The following HSD17B12 variants were observed in gnomAD, a reference collection of about 807,000 sequenced individuals.
The protein encoded by HSD17B12 is hydroxysteroid 17-beta dehydrogenase 12.
HSD17B12 carries 32 observed loss-of-function variants against 39.3 expected under a neutral mutation model. The observed-to-expected ratio is 0.81, with a 90% confidence interval of 0.61 to 1.09. The LOEUF (loss-of-function observed/expected upper bound fraction) is 1.09, where lower values mean the gene tolerates loss of function less well. HSD17B12 is among the 50% of genes least tolerant of loss of function. The pLI, the probability that HSD17B12 is intolerant of heterozygous loss-of-function variation, is 0.00. For missense variants in HSD17B12, 342 were observed against 382.9 expected, an observed-to-expected ratio of 0.89 and a Z score of 0.89; for synonymous variants, 150 against 146.7, an observed-to-expected ratio of 1.02 and a Z score of -0.16.
chr11:43,771,078 T>G (rs1950644647), intron 3 of HSD17B12, among the ~76,000 whole-genome samples: 1 of 152,222 alleles, frequency 6.6e-6, no homozygotes, highest in African/African-American at 2.4e-5. Context: ...ACACGCTCCC[T>G]ACTACTTTTT....
At chr11:43,673,165 A>G in the HSD17B12 span, 1 of 152,312 alleles carries the variant, frequency 6.6e-6, no homozygotes, top group Admixed American at 6.5e-5. Flanking sequence ...CCTCGCTTCT[A>G]TGAAACTCCC....
the HSD17B12 span, among the ~76,000 whole-genome samples, chr11:43,572,961 G>A: frequency 6.6e-6 from 1 of 152,048 alleles, no homozygotes; most frequent in Non-Finnish European, 1.5e-5. Flanking sequence ...GGCATTTTTC[G>A]TGGTGCTTGG....
the HSD17B12 span, among the ~76,000 whole-genome samples, chr11:43,594,103 T>A: frequency 2.0e-5 from 3 of 152,170 alleles, no homozygotes; most frequent in Non-Finnish European, 4.4e-5. Context: ...GGTCAATGCA[T>A]CCTTCACCCT....
the HSD17B12 span, chr11:43,569,899 A>G: frequency 2.5e-4 from 38 of 152,758 alleles, no homozygotes; most frequent in African/African-American, 8.7e-4. Context: ...AACATTTGCC[A>G]TAATAACCCC....
At chr11:43,716,829 A>T (rs1255547682) in intron 1 of HSD17B12, among the ~76,000 whole-genome samples, 1 of 150,892 alleles carries the variant, frequency 6.6e-6, no homozygotes, top group Non-Finnish European at 1.5e-5. Flanking sequence ...GACCTGAGGG[A>T]GTCAGGAGTT....
intron 3 of HSD17B12, among the ~76,000 whole-genome samples, chr11:43,793,887 T>G (rs1950892233): frequency 6.6e-6 from 1 of 152,222 alleles, no homozygotes; most frequent in African/African-American, 2.4e-5. Flanking sequence ...AATATTTGCT[T>G]TCTGCTTTTC....
intron 9 of HSD17B12, among the ~76,000 whole-genome samples, chr11:43,844,711 T>A (rs1407790903): frequency 6.6e-6 from 1 of 152,224 alleles, no homozygotes; most frequent in African/African-American, 2.4e-5. Context: ...TAGCTAAGAC[T>A]AAGACTAAAT....
At chr11:43,575,128 A>C in the HSD17B12 span, among the ~76,000 whole-genome samples, 1 of 152,186 alleles carries the variant, frequency 6.6e-6, no homozygotes, top group Non-Finnish European at 1.5e-5. This position sits in a 1 kb window ranked among gnomAD's most constrained non-coding sequence, Gnocchi z 4.1. Context: ...GGTTGTGTGC[A>C]TGTGTGTATT....
chr11:43,654,876 C>T, the HSD17B12 span, among the ~76,000 whole-genome samples: 335 of 152,212 alleles, frequency 2.2e-3, no homozygotes, highest in Non-Finnish European at 3.7e-3. Flanking sequence ...CTTGGCAATG[C>T]GGGCTCTTTT....
At chr11:43,603,819 T>C in the HSD17B12 span, among the ~76,000 whole-genome samples, 6 of 152,208 alleles carry the variant, frequency 3.9e-5, no homozygotes, top group African/African-American at 1.4e-4. Flanking sequence ...AAAAAATTCC[T>C]TTGAAGGATC....
chr11:43,840,572 A>AGTTGATTT (rs59698734), intron 9 of HSD17B12, among the ~76,000 whole-genome samples: 4,106 of 151,974 alleles, frequency 0.027, 173 homozygotes, highest in African/African-American at 0.079. Context: ...CTGGCAACCT[A>AGTTGATTT]TCTATCTCTA....
chr11:43,784,345 A>T (rs1950796306), intron 3 of HSD17B12, among the ~76,000 whole-genome samples: 1 of 137,046 alleles, frequency 7.3e-6, no homozygotes, highest in Admixed American at 7.4e-5. Context: ...TATTATTATT[A>T]TTTTAACTGC....
intron 1 of HSD17B12, among the ~76,000 whole-genome samples, chr11:43,701,905 T>C (rs1181675671): frequency 6.6e-6 from 1 of 152,212 alleles, no homozygotes; most frequent in Non-Finnish European, 1.5e-5. Flanking sequence ...ATTGAATTTG[T>C]AGATTGCTTT....
At chr11:43,847,250 C>G (rs998833087) in intron 9 of HSD17B12, among the ~76,000 whole-genome samples, 7 of 152,178 alleles carry the variant, frequency 4.6e-5, no homozygotes, top group African/African-American at 1.7e-4. Flanking sequence ...GGGACACCAT[C>G]CCCTGAGGTT....
At chr11:43,619,282 A>G in the HSD17B12 span, among the ~76,000 whole-genome samples, 2 of 128,804 alleles carry the variant, frequency 1.6e-5, no homozygotes, top group African/African-American at 5.8e-5. Flanking sequence ...TGTAAAATCC[A>G]TATATATATA....
chr11:43,752,003 C>A (rs775953161), intron 2 of HSD17B12, among the ~76,000 whole-genome samples: 4 of 152,260 alleles, frequency 2.6e-5, no homozygotes, highest in South Asian at 2.1e-4. Flanking sequence ...CGTTGTTTTT[C>A]CAAGATCCAG....
chr11:43,616,782 C>T, the HSD17B12 span, among the ~76,000 whole-genome samples: 372 of 143,312 alleles, frequency 2.6e-3, 1 homozygote, highest in Non-Finnish European at 4.6e-3. Flanking sequence ...CCACACCACT[C>T]CTCTGTGCCC....
the HSD17B12 span, among the ~76,000 whole-genome samples, chr11:43,628,945 G>A: frequency 6.6e-6 from 1 of 152,010 alleles, no homozygotes; most frequent in Non-Finnish European, 1.5e-5. Flanking sequence ...ATTTAAGAAT[G>A]TCACTCATCC....
intron 6 of HSD17B12, among the ~76,000 whole-genome samples, chr11:43,823,603 G>C (rs773767406): frequency 1.3e-5 from 2 of 152,006 alleles, no homozygotes; most frequent in Non-Finnish European, 2.9e-5. Context: ...CTCTCTTTCA[G>C]TTTAGAGCCT....
Sources: allele counts gnomAD v4.1 joint callset (sites outside exome capture counted in the v4.1 genomes callset), GRCh38; gene constraint gnomAD v4.1.1; non-coding constraint Gnocchi (gnomAD v3.1); transcripts MANE v1.5; gene names NCBI Gene and HGNC (gene_info 2026-07-23, HGNC 2026-07-21).